Variants in IRX4 observed in about 807,000 individuals in gnomAD.
The protein encoded by IRX4 is iroquois-class homeodomain protein IRX-4.
In IRX4, 22 loss-of-function variants were observed where a neutral mutation model predicts 32.0. The observed-to-expected ratio is 0.69, with a 90% confidence interval of 0.49 to 0.98. IRX4 has a LOEUF of 0.98. Ranked by LOEUF, IRX4 falls within the 50% of genes least tolerant of loss-of-function variation. The pLI, the probability that IRX4 is intolerant of heterozygous loss-of-function variation, is 0.00. For synonymous variants in IRX4, 379 were observed against 351.7 expected (o/e 1.08, Z -0.87); for missense variants, 840 against 744.2 (o/e 1.13, Z -1.50).
intron 3 of IRX4, 128 bp downstream of exon 3, chr5:1,880,597 G>T: frequency 1.5e-6 from 1 of 674,968 alleles, no homozygotes; most frequent in South Asian, 1.7e-5. Context: ...GGTCATGCCT[G>T]ACCTAAGAGT....
rs1369873969 is a variant in IRX4 at position 1,878,778 on chromosome 5, CTT to C, written c.749_750del (p.Lys250ArgfsTer8). ...TCACTAAGCTCCAGCTCCTTCTCCT[CTT>C]TGCCCACGGGCTCTGCGGGAGAGAA... ...KSSKNAEPVG[K>X]EEKELELSDL... On this transcript the variant is annotated frameshift_variant, in exon 5 of 5. Coordinates refer to ENST00000231357, the MANE Select transcript of IRX4 (RefSeq NM_016358.3). LOFTEE classifies it low-confidence loss of function (END_TRUNC). The C allele has an allele frequency of 1.2e-6, 2 of 1,613,158 alleles. No homozygotes were observed. Among genetic ancestry groups the C allele is most frequent in the African/African-American group, 1.3e-5 (1 of 74,946 alleles).
At chr5:1,882,469 G>A in intron 1 of IRX4, 134 bp downstream of exon 1, 1 of 784,484 alleles carries the variant, frequency 1.3e-6, no homozygotes, top group South Asian at 1.7e-5. Context: ...TTGGGCGTGA[G>A]GGGCGCGCGA....
chr5:1,879,870 T>C, intron 3 of IRX4, 38 bp from the exon 4 acceptor site: 1 of 1,609,666 alleles, frequency 6.2e-7, no homozygotes, highest in Non-Finnish European at 8.5e-7. Context: ...GGCTGGGCCC[T>C]CTGGGCCCCA....
chr5:1,877,556 G>A lies in IRX4; in HGVS notation c.*413C>T, dbSNP rs553973761. On this transcript the variant is annotated 3_prime_UTR_variant, in exon 5 of 5. Transcript: ENST00000231357. Reference sequence around the variant, plus strand: ...GTGCAAGAGTCAACTCAGTGCAAGTGCTGTTGGTGAGCATTACGTGCTGAG... The same window carrying A: ...GTGCAAGAGTCAACTCAGTGCAAGTACTGTTGGTGAGCATTACGTGCTGAG... The A allele has an allele frequency of 7.6e-5, 16 of 211,658 alleles. No homozygotes were observed. In the East Asian group the frequency reaches 1.9e-3, roughly 25 times the overall value. The allele number at this position is 211,658 out of a possible 1,614,324, so 13.1% of individuals were successfully genotyped here. A position where few individuals can be genotyped will look rare whatever the true frequency, so the allele number is the denominator to read the frequency against.
intron 1 of IRX4, 31 bp downstream of exon 1, chr5:1,882,572 G>A (rs1328605056): frequency 1.3e-6 from 2 of 1,502,630 alleles, no homozygotes; most frequent in African/African-American, 1.5e-5. Flanking sequence ...CGGCACCTGC[G>A]GTGGCCTGGG....
At position 1,878,797 on chromosome 5, in the gene IRX4, G is replaced by C. The variant is rs765542412; in HGVS notation, c.737-5C>G. 6 of 1,613,070 alleles carry C rather than the reference G, an allele frequency of 3.7e-6. No homozygotes were observed. The highest frequency in any genetic ancestry group is 4.2e-6 in the Non-Finnish European group (5 of 1,179,770). ...TCTCCTCTTTGCCCACGGGCTCTGC[G>C]GGAGAGAATGCGTGGCCAGTGGAGG... On this transcript the variant is annotated splice_polypyrimidine_tract_variant and splice_region_variant and intron_variant, in intron 4 of 4. Coordinates refer to ENST00000231357, the MANE Select transcript of IRX4 (RefSeq NM_016358.3).
At chr5:1,881,597 G>A (rs1735440386) in intron 2 of IRX4, among the ~76,000 whole-genome samples, 1 of 151,258 alleles carries the variant, frequency 6.6e-6, no homozygotes, top group Non-Finnish European at 1.5e-5. Flanking sequence ...AACAAGAAAC[G>A]CAGTGGCCAC....
upstream of IRX4, chr5:1,884,681 G>C (rs1425714122): frequency 6.6e-6 from 1 of 152,232 alleles, no homozygotes; most frequent in Non-Finnish European, 1.5e-5. Flanking sequence ...TTGATTTCGC[G>C]GCAGGCCGCG....
At chr5:1,883,719 C>T (rs1469198857), upstream of IRX4, among the ~76,000 whole-genome samples, 1 of 152,244 alleles carries the variant, frequency 6.6e-6, no homozygotes, top group Non-Finnish European at 1.5e-5. Context: ...CCGCTCAGCC[C>T]ACCGCCCCCA....
At position 1,877,940 on chromosome 5, in the gene IRX4, T is replaced by C; in HGVS notation, c.*29A>G. On this transcript the variant is annotated 3_prime_UTR_variant, in exon 5 of 5. Coordinates refer to ENST00000231357, the MANE Select transcript of IRX4 (RefSeq NM_016358.3). ...TCGGCGCCGTCCGCCTGAGCGCGGG[T>C]TCCCTCCTGGGCTCGGGACCCGCCC... is the stretch of plus-strand genomic sequence containing the variant. 1.3e-6 allele frequency: 2 copies of C among 1,485,808 alleles called. No homozygotes were observed. Among genetic ancestry groups the C allele is most frequent in the Non-Finnish European group, 1.8e-6 (2 of 1,118,042 alleles). The allele number at this position is 1,485,808 out of a possible 1,614,324, so 92.0% of individuals were successfully genotyped here.
chr5:1,887,032 GC>G (rs1735654498), upstream of IRX4: 3 of 151,394 alleles, frequency 2.0e-5, no homozygotes, highest in African/African-American at 7.3e-5. Context: ...GAACCCCGGG[GC>G]GGGGGCGGGA....
chr5:1,881,021 C>A (rs1735409798), intron 2 of IRX4, 187 bp from the exon 3 acceptor site: 1 of 449,666 alleles, frequency 2.2e-6, no homozygotes, highest in Admixed American at 3.4e-5. Flanking sequence ...TGGGGATGTT[C>A]TGAGTTGCAG....
chr5:1,880,619 TGCCTCCC>T, intron 3 of IRX4, 99 bp downstream of exon 3: 1 of 780,632 alleles, frequency 1.3e-6, no homozygotes, highest in South Asian at 1.6e-5. Context: ...TCTCTCTTCC[TGCCTCCC>T]GCCTTCCAGA....
chr5:1,882,914 T>TA lies in IRX4; in HGVS notation c.-268dup. The TA allele has an allele frequency of 3.2e-6, 1 of 316,890 alleles. No individual in the cohort carries two copies. The highest frequency in any genetic ancestry group is 5.6e-6 in the Non-Finnish European group (1 of 178,538). The allele number at this position is 316,890 out of a possible 1,614,324, so 19.6% of individuals were successfully genotyped here. ...AGCGGCCTCGCAGCGGCGACAGAAA[T>TA]ACATATTTTACGAAAAAGAAAAAAA... On this transcript the variant is annotated 5_prime_UTR_variant, in exon 1 of 5. The change creates a premature stop within an existing upstream ORF in the 5' untranslated region. Transcript: ENST00000231357.
intron 3 of IRX4, 153 bp from the exon 4 acceptor site, chr5:1,879,985 C>T (rs560279539): frequency 5.9e-5 from 88 of 1,492,404 alleles, no homozygotes; most frequent in Non-Finnish European, 7.4e-5. Flanking sequence ...AGGTAGGACC[C>T]GAGCCCCAAC....
At position 1,878,073 on chromosome 5, in the gene IRX4, C is replaced by A; in HGVS notation, c.1456G>T (p.Ala486Ser). 1 of 1,523,296 alleles carries A rather than the reference C, an allele frequency of 6.6e-7. No homozygotes were observed. The highest frequency in any genetic ancestry group is 8.8e-7 in the Non-Finnish European group (1 of 1,140,772). 94.4% of individuals were successfully genotyped at this position (1,523,296 alleles called of 1,614,324 possible). A position where few individuals can be genotyped will look rare whatever the true frequency, so the allele number is the denominator to read the frequency against. Reference protein sequence around the residue: ...AGANVLTAPLARAFPPAVPQD... With the variant: ...AGANVLTAPLSRAFPPAVPQD... ...GGCACGGCAGGCGGAAAGGCGCGGG[C>A]CAGGGGTGCAGTCAGCACGTTCGCG... Residue 486 changes from alanine (A) to serine (S), a missense_variant, in exon 5 of 5, where the codon GCC (alanine) becomes TCC (serine). By Grantham distance (99) the Ala-to-Ser change is moderately conservative (BLOSUM62 1). Coordinates refer to ENST00000231357, the MANE Select transcript of IRX4 (RefSeq NM_016358.3).
intron 2 of IRX4, 36 bp downstream of exon 2, chr5:1,881,772 C>A: frequency 6.4e-7 from 1 of 1,561,608 alleles, no homozygotes; most frequent in South Asian, 1.2e-5. Flanking sequence ...AATCGAGGGC[C>A]AGGGGCAGGG....
At chr5:1,885,366 T>C (rs1735595123), upstream of IRX4, among the ~76,000 whole-genome samples, 1 of 152,152 alleles carries the variant, frequency 6.6e-6, no homozygotes, top group African/African-American at 2.4e-5. Flanking sequence ...CACCTTCTCC[T>C]GTTCTCTTTT....
At chr5:1,886,192 C>A (rs1288018522), upstream of IRX4, among the ~76,000 whole-genome samples, 2 of 152,270 alleles carry the variant, frequency 1.3e-5, no homozygotes, top group Non-Finnish European at 2.9e-5. Context: ...CCTGACCCTT[C>A]TTCGGCCAGC....
Sources: gnomAD v4.1 joint callset for allele counts (sites outside exome capture counted in the v4.1 genomes callset) on GRCh38, gnomAD v4.1.1 for gene constraint, MANE v1.5 for transcripts, NCBI Gene and HGNC (gene_info 2026-07-23, HGNC 2026-07-21) for gene names.